The following TMEM132B variants were observed in gnomAD, a reference collection of about 807,000 sequenced individuals.
The protein encoded by TMEM132B is transmembrane protein 132B.
In TMEM132B, 18 loss-of-function variants were observed where a neutral mutation model predicts 90.8. The ratio of observed to expected loss-of-function variants is 0.20; its 90% CI spans 0.14 to 0.29. The LOEUF is 0.29. TMEM132B is among the 10% of genes least tolerant of loss of function. The probability of loss-of-function intolerance (pLI) is 1.00; values close to 1 mark genes in which losing one functional copy is unlikely to be tolerated. For synonymous variants in TMEM132B, 504 were observed against 523.3 expected, an observed-to-expected ratio of 0.96 and a Z score of 0.50; for missense variants, 1,096 against 1,326.8, an observed-to-expected ratio of 0.83 and a Z score of 2.70.
chr12:125,349,814 T>C lies in TMEM132B; in HGVS notation c.430T>C (p.Leu144=). 6.2e-7 allele frequency: 1 copy of C among 1,614,224 alleles called. No homozygotes were observed. The highest frequency in any genetic ancestry group is 8.5e-7 in the Non-Finnish European group (1 of 1,180,040). The change falls in exon 2 of 9, where the codon TTG becomes CTG. Residue 144 remains leucine, a synonymous_variant. Transcript: ENST00000682704. This position sits in a 1 kb window ranked among gnomAD's most constrained non-coding sequence, Gnocchi z 4.1. ...CTCCAACAGACCCAAAGTGCAGACC[T>C]TGTTTTATGTCACTGGCATGGGCTG... ...IYSNRPKVQT[L]FYVTGMGWDD...
intron 1 of TMEM132B, among the ~76,000 whole-genome samples, chr12:125,217,326 T>C (rs1873460104): frequency 6.6e-6 from 1 of 152,196 alleles, no homozygotes. Flanking sequence ...TCTCTGAGCC[T>C]CAGTTTCCCA....
intron 1 of TMEM132B, among the ~76,000 whole-genome samples, chr12:125,218,370 G>A (rs1370272332): frequency 1.3e-5 from 2 of 152,104 alleles, no homozygotes; most frequent in Non-Finnish European, 2.9e-5. Context: ...GCCTATTTTA[G>A]TATTTTCCAT....
chr12:125,245,486 G>A (rs932475635), intron 1 of TMEM132B, among the ~76,000 whole-genome samples: 1 of 151,702 alleles, frequency 6.6e-6, no homozygotes, highest in Non-Finnish European at 1.5e-5. Flanking sequence ...AGTCTGTGAA[G>A]AGCACATTGC....
At chr12:125,605,037 C>A (rs1321342072) in intron 5 of TMEM132B, among the ~76,000 whole-genome samples, 1 of 152,140 alleles carries the variant, frequency 6.6e-6, no homozygotes, top group South Asian at 2.1e-4. Context: ...GACTAAGAAA[C>A]ACAAAAGGAA....
At chr12:125,604,369 T>C (rs1052181329) in intron 5 of TMEM132B, among the ~76,000 whole-genome samples, 16 of 152,066 alleles carry the variant, frequency 1.1e-4, no homozygotes, top group African/African-American at 3.9e-4. Flanking sequence ...CACCACATGT[T>C]TTCACTCATA....
At chr12:125,467,730 A>T (rs1881606446) in intron 3 of TMEM132B, among the ~76,000 whole-genome samples, 1 of 152,232 alleles carries the variant, frequency 6.6e-6, no homozygotes, top group Admixed American at 6.5e-5. Context: ...CACCCTGTAA[A>T]AACACCTATA....
intron 1 of TMEM132B, among the ~76,000 whole-genome samples, chr12:125,305,553 T>G (rs889970742): frequency 6.6e-6 from 1 of 152,182 alleles, no homozygotes; most frequent in Non-Finnish European, 1.5e-5. Context: ...TATTAGGTTT[T>G]CCTAAGATGG....
At chr12:125,236,643 G>T (rs942989551) in intron 1 of TMEM132B, among the ~76,000 whole-genome samples, 9 of 152,138 alleles carry the variant, frequency 5.9e-5, no homozygotes, top group Non-Finnish European at 1.2e-4. Context: ...GCTGCCCCTG[G>T]GACAGAGTCC....
intron 1 of TMEM132B, among the ~76,000 whole-genome samples, chr12:125,218,769 GTTTT>G (rs34905706): frequency 1.8e-5 from 2 of 108,866 alleles, no homozygotes; most frequent in African/African-American, 7.0e-5. Flanking sequence ...TGTTGAAGCT[GTTTT>G]TTTTTTTTTT....
intron 1 of TMEM132B, among the ~76,000 whole-genome samples, chr12:125,267,909 T>C (rs1449333298): frequency 6.6e-6 from 1 of 152,180 alleles, no homozygotes; most frequent in African/African-American, 2.4e-5. Flanking sequence ...ACAAGTTGCA[T>C]TTGGCCTGTG....
intron 1 of TMEM132B, among the ~76,000 whole-genome samples, chr12:125,264,706 C>G (rs1415339189): frequency 1.3e-5 from 2 of 152,206 alleles, no homozygotes; most frequent in East Asian, 1.9e-4. Flanking sequence ...AAATGACACA[C>G]CTTGTTCTCA....
intron 5 of TMEM132B, among the ~76,000 whole-genome samples, chr12:125,636,035 G>A (rs923347298): frequency 2.0e-5 from 3 of 152,106 alleles, no homozygotes; most frequent in Non-Finnish European, 4.4e-5. Flanking sequence ...GGGTGTGGGT[G>A]GTGGTGGTGA....
intron 4 of TMEM132B, among the ~76,000 whole-genome samples, chr12:125,557,446 G>A (rs1314873931): frequency 6.6e-6 from 1 of 152,156 alleles, no homozygotes; most frequent in Non-Finnish European, 1.5e-5. Flanking sequence ...AATGTTGGAT[G>A]TATAGCATCT....
chr12:125,650,958 A>G lies in TMEM132B; in HGVS notation c.1914+5A>G. On this transcript the variant is annotated splice_donor_5th_base_variant and intron_variant, in intron 7 of 8. Coordinates refer to ENST00000682704, the MANE Select transcript of TMEM132B (RefSeq NM_001366854.1). ...CCGGGAATAACCACGGTGCAGGTAC[A>G]CGCCGCCATGCCTTGCCCAACAGCA... 6.2e-7 allele frequency: 1 copy of G among 1,611,860 alleles called. No individual in the cohort carries two copies. The highest frequency in any genetic ancestry group is 1.1e-5 in the South Asian group (1 of 90,980).
chr12:125,511,863 A>G (rs1235950794), intron 3 of TMEM132B, among the ~76,000 whole-genome samples: 6 of 151,334 alleles, frequency 4.0e-5, no homozygotes, highest in Non-Finnish European at 8.8e-5. Flanking sequence ...AAAAAAAAAA[A>G]AAAAAGAAAA....
At chr12:125,340,551 G>A (rs1043299754) in intron 1 of TMEM132B, among the ~76,000 whole-genome samples, 2 of 152,114 alleles carry the variant, frequency 1.3e-5, no homozygotes, top group African/African-American at 4.8e-5. Flanking sequence ...TATGACAAAA[G>A]GTTGGTATTC....
chr12:125,359,821 T>C (rs1877903780), intron 2 of TMEM132B, among the ~76,000 whole-genome samples: 1 of 152,232 alleles, frequency 6.6e-6, no homozygotes, highest in South Asian at 2.1e-4. Context: ...GGTTCACGCC[T>C]GTAATCCCAG....
At chr12:125,465,129 T>C (rs1331292081) in intron 3 of TMEM132B, among the ~76,000 whole-genome samples, 1 of 152,226 alleles carries the variant, frequency 6.6e-6, no homozygotes, top group Non-Finnish European at 1.5e-5. Flanking sequence ...TCCCTCAAAA[T>C]CCTAGCTCTG....
chr12:125,483,461 A>G lies in TMEM132B; in HGVS notation c.1107-35978A>G, dbSNP rs141095502. Among the ~76,000 whole-genome samples the G allele has an allele frequency of 1.2e-4, 18 of 152,302 alleles. 1 individual carries two copies. The East Asian group carries it at 3.1e-3, about 26-fold the overall frequency. On this transcript the variant is annotated intron_variant, in intron 3 of 8. Transcript: ENST00000682704. The stretch of plus-strand genomic sequence containing the variant: ...AAAAACAATGTAACTAAAAAAAAAT[A>G]AGGTGTAGATAAAAGCAATTTGGTC...
Sources: allele counts gnomAD v4.1 joint callset (sites outside exome capture counted in the v4.1 genomes callset), GRCh38; gene constraint gnomAD v4.1.1; non-coding constraint Gnocchi (gnomAD v3.1); transcripts MANE v1.5; gene names NCBI Gene and HGNC (gene_info 2026-07-23, HGNC 2026-07-21).